Variants in ATP13A2 observed in about 807,000 individuals in gnomAD.
ATP13A2 encodes polyamine-transporting ATPase 13A2.
Under a neutral mutation model 138.3 loss-of-function variants are expected in ATP13A2, and 83 were observed. The observed-to-expected ratio is 0.60, with a 90% CI of 0.50 to 0.72. ATP13A2 has a LOEUF of 0.72. Ranked by LOEUF, ATP13A2 falls within the 30% of genes least tolerant of loss-of-function variation. ATP13A2 has a pLI of 0.00. For synonymous variants in ATP13A2, 663 were observed against 699.0 expected (o/e 0.95, Z 0.81); for missense variants, 1,402 against 1,606.4 (o/e 0.87, Z 2.17).
chr1:16,993,479 G>A lies in ATP13A2; in HGVS notation c.1749+150C>T, dbSNP rs959281500. 18 of 816,828 alleles carry A rather than the reference G, an allele frequency of 2.2e-5. No homozygotes were observed. The East Asian group carries it at 3.0e-4, about 14-fold the overall frequency. The allele number at this position is 816,828 out of a possible 1,614,324, so 50.6% of individuals were successfully genotyped here. On this transcript the variant is annotated intron_variant, in intron 16 of 28. Coordinates refer to ENST00000326735, the MANE Select transcript of ATP13A2 (RefSeq NM_022089.4). The stretch of plus-strand genomic sequence containing the variant: ...GGCCTCCCAAAGCGCCGGGAGCCAC[G>A]TTACAGGTGTGAGCCACTGCGCCTG...
chr1:16,987,190 C>T lies in ATP13A2; in HGVS notation c.2939G>A (p.Arg980His), dbSNP rs150748722. 23 of 1,613,606 alleles carry T rather than the reference C, an allele frequency of 1.4e-5. No individual in the cohort carries two copies. Among genetic ancestry groups the T allele is most frequent in the African/African-American group, 5.3e-5 (4 of 74,922 alleles). Reference protein sequence around the residue: ...ITTTVAVLMSRTGPALVLGRV... With the variant: ...ITTTVAVLMSHTGPALVLGRV... ...TCCCAGGACCAGCGCTGGCCCCGTG[C>T]GGCTCATGAGCACTGCCACTGTGGT... The change falls in exon 26 of 29, where the codon CGC (arginine) becomes CAC (histidine). Residue 980 changes from arginine to histidine, a missense_variant. Arg to His is a conservative substitution (Grantham distance 29, BLOSUM62 0). Transcript: ENST00000326735.
Position 17,004,978 on chromosome 1 carries a change from A to G in ATP13A2, c.347+36T>C. On this transcript the variant is annotated intron_variant, in intron 4 of 28. Transcript: ENST00000326735. This position sits in a 1 kb window ranked among gnomAD's most constrained non-coding sequence, Gnocchi z 4.1. ...GGGAAGTTGGGGAGGCCAGGGTAGCAGGGGCTTCTGGGAAGGGGCAATGGG... is the reference window on the plus strand; with the variant it reads ...GGGAAGTTGGGGAGGCCAGGGTAGCGGGGGCTTCTGGGAAGGGGCAATGGG... 1 of 1,613,160 alleles carries G rather than the reference A, an allele frequency of 6.2e-7. No individual in the cohort carries two copies. The highest frequency in any genetic ancestry group is 8.5e-7 in the Non-Finnish European group (1 of 1,179,868).
chr1:17,000,006 C>A lies in ATP13A2; in HGVS notation c.1039+5G>T, dbSNP rs758833172. 2 of 1,602,294 alleles carry A rather than the reference C, an allele frequency of 1.2e-6. No individual in the cohort carries two copies. The highest frequency in any genetic ancestry group is 2.7e-5 in the African/African-American group (2 of 74,710). On this transcript the variant is annotated splice_donor_5th_base_variant and intron_variant, in intron 11 of 28. Transcript: ENST00000326735. ...GAAGCTGCAGGCCAGGGGCTGGGGGCTCACCTGTCAGAGAGCTCTCATTCA... is the reference window on the plus strand; with the variant it reads ...GAAGCTGCAGGCCAGGGGCTGGGGGATCACCTGTCAGAGAGCTCTCATTCA...
chr1:16,989,612 G>A, intron 23 of ATP13A2, 79 bp downstream of exon 23: 1 of 1,449,744 alleles, frequency 6.9e-7, no homozygotes, highest in Middle Eastern at 1.7e-4. Context: ...ACAGGGCCCT[G>A]GGGAAGGACA....
chr1:17,007,936 C>T (rs1207727439), intron 1 of ATP13A2, among the ~76,000 whole-genome samples: 5 of 152,188 alleles, frequency 3.3e-5, no homozygotes, highest in Non-Finnish European at 7.3e-5. Flanking sequence ...TGAGCAGCCC[C>T]ATCCCCAAGC....
chr1:16,996,145 A>T lies in ATP13A2; in HGVS notation c.1373T>A (p.Val458Glu). The T allele has an allele frequency of 6.2e-7, 1 of 1,614,152 alleles. No homozygotes were observed. The highest frequency in any genetic ancestry group is 8.5e-7 in the Non-Finnish European group (1 of 1,180,036). Residue 458 changes from valine (V) to glutamate (E), a missense_variant, in exon 15 of 29, where the codon GTA becomes GAA. By Grantham distance (121) the Val-to-Glu change is moderately radical. Coordinates refer to ENST00000326735, the MANE Select transcript of ATP13A2 (RefSeq NM_022089.4). ...GGTCACCAGGTCGAGAGCCCGGATT[A>T]CAATCTCATTCAGAGGCACCTGGCA... ...YRNRVPLNEIVIRALDLVTVV... is the reference protein window; with the variant it reads ...YRNRVPLNEIEIRALDLVTVV...
At chr1:16,994,272 G>A (rs1056125714) in intron 15 of ATP13A2, among the ~76,000 whole-genome samples, 12 of 150,954 alleles carry the variant, frequency 7.9e-5, no homozygotes, top group Admixed American at 2.0e-4. Context: ...TTGCTCTGTC[G>A]CCCGCGCTGG....
At chr1:17,003,746 C>T (rs1318927788) in intron 6 of ATP13A2, among the ~76,000 whole-genome samples, 2 of 151,476 alleles carry the variant, frequency 1.3e-5, no homozygotes, top group African/African-American at 4.8e-5. Flanking sequence ...TCACTGCAAC[C>T]TCTGCCGCCC....
At chr1:16,996,837 A>G (rs1317972544) in intron 12 of ATP13A2, 183 bp downstream of exon 12, 7 of 810,168 alleles carry the variant, frequency 8.6e-6, no homozygotes, top group Non-Finnish European at 1.2e-5. Context: ...GTCTGGCCCA[A>G]CTTCTGCTAA....
At chr1:17,003,899 T>C (rs2077456536) in intron 6 of ATP13A2, among the ~76,000 whole-genome samples, 1 of 152,086 alleles carries the variant, frequency 6.6e-6, no homozygotes, top group African/African-American at 2.4e-5. Flanking sequence ...CCTGACCTCG[T>C]GATCCACCTG....
At chr1:16,991,613 G>T in intron 20 of ATP13A2, 121 bp downstream of exon 20, 6 of 1,421,312 alleles carry the variant, frequency 4.2e-6, no homozygotes, top group African/African-American at 1.4e-5. Flanking sequence ...GTTTAAAAAG[G>T]ACCTGGCCTG....
At position 17,005,398 on chromosome 1, in the gene ATP13A2, G is replaced by A. The variant is rs554781874; in HGVS notation, c.264C>T (p.Leu88=). The part of the protein sequence containing the change: ...RPCNLAHAET[L]VIEIRDKEDS... ...CCTCTTTGTCTCTTATTTCGATAAC[G>A]AGTGTTTCGGCGTGGGCCAGGTTGC... Residue 88 remains leucine (L), a synonymous_variant, in exon 3 of 29, where the codon CTC becomes CTT. Transcript: ENST00000326735. 20 of 1,609,066 alleles carry A rather than the reference G, an allele frequency of 1.2e-5. No homozygotes were observed. Among genetic ancestry groups the A allele is most frequent in the South Asian group, 2.2e-5 (2 of 90,482 alleles).
At chr1:17,001,052 C>T (rs956823233) in intron 8 of ATP13A2, among the ~76,000 whole-genome samples, 3 of 152,086 alleles carry the variant, frequency 2.0e-5, no homozygotes, top group Non-Finnish European at 2.9e-5. Context: ...TCTACAAGGC[C>T]GGTACCACCA....
In ATP13A2 at chr1:16,990,216, T is replaced by C. The variant is rs2076881183; in HGVS notation, c.2323A>G (p.Ile775Val). 1 of 1,613,832 alleles carries C rather than the reference T, an allele frequency of 6.2e-7. No homozygotes were observed. Among genetic ancestry groups the C allele is most frequent in the African/African-American group, 1.3e-5 (1 of 74,908 alleles). The change falls in exon 21 of 29, where the codon ATC (isoleucine) becomes GTC (valine). Residue 775 changes from isoleucine (I) to valine (V), a missense_variant. By Grantham distance (29) the Ile-to-Val change is conservative. Coordinates refer to ENST00000326735, the MANE Select transcript of ATP13A2 (RefSeq NM_022089.4). ...CGCTCAGGGTGGGTGGCGTGGACGA[T>C]GATCAGATGCTCCTGGGGGGCCACC... ...GMVAPQEHLI[I>V]VHATHPERGQ...
At chr1:16,988,602 G>T in intron 23 of ATP13A2, 128 bp from the exon 24 acceptor site, 1 of 897,096 alleles carries the variant, frequency 1.1e-6, no homozygotes, top group Non-Finnish European at 1.8e-6. Flanking sequence ...GGCGCTCAGT[G>T]AATAGATGCA....
intron 12 of ATP13A2, 116 bp downstream of exon 12, chr1:16,996,904 G>A: frequency 2.3e-6 from 3 of 1,320,670 alleles, no homozygotes; most frequent in South Asian, 2.5e-5. Flanking sequence ...CCACAGCAGG[G>A]CAGCAGCAGA....
Position 16,992,073 on chromosome 1 carries a change from C to G in ATP13A2, c.2062G>C (p.Val688Leu). 6.2e-7 allele frequency: 1 copy of G among 1,613,278 alleles called. No homozygotes were observed. Among genetic ancestry groups the G allele is most frequent in the African/African-American group, 1.3e-5 (1 of 75,064 alleles). ...GGCAGTGGCTTGCTGGCCAGGGCCA[C>G]GACACGGTAGCCAGCAGCTGTATAG... is the stretch of plus-strand genomic sequence containing the variant. Reference protein sequence around the residue: ...QSYTAAGYRVVALASKPLPTV... With the variant: ...QSYTAAGYRVLALASKPLPTV... The change falls in exon 19 of 29, where the codon GTG becomes CTG. Residue 688 changes from valine (V) to leucine (L), a missense_variant. Physicochemically the swap from Val to Leu is conservative, Grantham distance 32. Transcript: ENST00000326735.
intron 1 of ATP13A2, among the ~76,000 whole-genome samples, chr1:17,005,992 G>A (rs1382780583): frequency 7.2e-5 from 11 of 152,166 alleles, no homozygotes; most frequent in Non-Finnish European, 5.9e-5. Flanking sequence ...AAAATTAGCC[G>A]GGCGTGGCAG....
At position 16,990,019 on chromosome 1, in the gene ATP13A2, G is replaced by A; in HGVS notation, c.2413-16C>T. The A allele has an allele frequency of 1.2e-6, 2 of 1,612,690 alleles. No individual in the cohort carries two copies. Among genetic ancestry groups the A allele is most frequent in the Non-Finnish European group, 1.7e-6 (2 of 1,179,246 alleles). On this transcript the variant is annotated splice_polypyrimidine_tract_variant and intron_variant, in intron 21 of 28. Transcript: ENST00000326735. The stretch of plus-strand genomic sequence containing the variant: ...GGTCAGGATCCTGGGGGCCCAGGAA[G>A]CTCAGCTTAGCTCCCCCTGCCCACC...
Sources: gnomAD v4.1 joint callset for allele counts (sites outside exome capture counted in the v4.1 genomes callset) on GRCh38, gnomAD v4.1.1 for gene constraint, Gnocchi (gnomAD v3.1) non-coding constraint, MANE v1.5 for transcripts, NCBI Gene and HGNC (gene_info 2026-07-23, HGNC 2026-07-21) for gene names.